The following GNB1 variants were observed in gnomAD, a reference collection of about 807,000 sequenced individuals.
The protein encoded by GNB1 is guanine nucleotide-binding protein G(I)/G(S)/G(T) subunit beta-1.
A neutral mutation model predicts 42.9 loss-of-function variants in GNB1; 2 were observed. The ratio of observed to expected loss-of-function variants is 0.05; its 90% CI spans 0.02 to 0.15. The LOEUF (loss-of-function observed/expected upper bound fraction) is 0.15, where lower values mean the gene tolerates loss of function less well. GNB1 is among the 10% of genes least tolerant of loss of function. GNB1 has a pLI of 1.00. For synonymous variants in GNB1, 183 were observed against 174.7 expected (o/e 1.05, Z -0.38); for missense variants, 193 against 462.2 (o/e 0.42, Z 5.34).
At chr1:1,820,682 A>G (rs1646920176) in intron 3 of GNB1, among the ~76,000 whole-genome samples, 1 of 152,206 alleles carries the variant, frequency 6.6e-6, no homozygotes, top group Admixed American at 6.5e-5. Flanking sequence ...AATGGAGAAA[A>G]TAAAACATGA....
intron 1 of GNB1, among the ~76,000 whole-genome samples, chr1:1,861,007 C>T (rs1389360431): frequency 2.0e-5 from 3 of 150,362 alleles, no homozygotes; most frequent in Admixed American, 6.7e-5. Context: ...ACTTGGGAGG[C>T]TGAGACAAGA....
intron 5 of GNB1, among the ~76,000 whole-genome samples, chr1:1,809,510 T>C (rs1646746938): frequency 6.6e-6 from 1 of 152,194 alleles, no homozygotes; most frequent in Admixed American, 6.5e-5. Flanking sequence ...ATATTAAACA[T>C]TTAAAATTAT....
At chr1:1,823,419 T>C (rs1646958789) in intron 3 of GNB1, among the ~76,000 whole-genome samples, 1 of 152,122 alleles carries the variant, frequency 6.6e-6, no homozygotes, top group Admixed American at 6.6e-5. Context: ...TGACTTAAAA[T>C]GAACAGCAGA....
intron 1 of GNB1, among the ~76,000 whole-genome samples, chr1:1,851,540 C>G (rs1224895701): frequency 2.0e-5 from 3 of 150,976 alleles, no homozygotes; most frequent in Non-Finnish European, 3.0e-5. Flanking sequence ...GGCGACACAG[C>G]AAGACTGTGT....
intron 1 of GNB1, among the ~76,000 whole-genome samples, chr1:1,857,405 G>A (rs1449902366): frequency 3.9e-5 from 6 of 152,068 alleles, no homozygotes; most frequent in African/African-American, 9.7e-5. Context: ...AGGGTTCAAC[G>A]CAGCCTAGGA....
chr1:1,808,393 G>A (rs1646731115), intron 5 of GNB1, among the ~76,000 whole-genome samples: 1 of 152,116 alleles, frequency 6.6e-6, no homozygotes, highest in Middle Eastern at 3.2e-3. Context: ...TACTACAAAG[G>A]AGAATATGAA....
chr1:1,865,455 G>T (rs188725790), intron 1 of GNB1, among the ~76,000 whole-genome samples: 1 of 151,700 alleles, frequency 6.6e-6, no homozygotes. Flanking sequence ...GTGTGGTGGC[G>T]GGCACCTGTA....
At chr1:1,833,354 C>T (rs1647102228) in intron 2 of GNB1, among the ~76,000 whole-genome samples, 1 of 152,138 alleles carries the variant, frequency 6.6e-6, no homozygotes, top group Non-Finnish European at 1.5e-5. Flanking sequence ...GGTCAATCTC[C>T]AAAACTAAGA....
chr1:1,827,793 C>A (rs998247775), intron 2 of GNB1, among the ~76,000 whole-genome samples: 3 of 152,124 alleles, frequency 2.0e-5, no homozygotes, highest in African/African-American at 4.8e-5. Context: ...GCACCCCGCA[C>A]GCATAATAGA....
intron 10 of GNB1, chr1:1,788,845 G>A (rs553018034): frequency 5.6e-6 from 3 of 537,280 alleles, no homozygotes; most frequent in African/African-American, 3.8e-5. Flanking sequence ...CCTCCCCGAC[G>A]CATGTGGGAA....
chr1:1,866,072 G>A (rs965790643), intron 1 of GNB1, among the ~76,000 whole-genome samples: 2 of 152,026 alleles, frequency 1.3e-5, no homozygotes, highest in African/African-American at 4.8e-5. Flanking sequence ...CCAAGTAGCT[G>A]GGATTACAGG....
chr1:1,822,454 C>T (rs547118911), intron 3 of GNB1, among the ~76,000 whole-genome samples: 1 of 151,914 alleles, frequency 6.6e-6, no homozygotes, highest in Non-Finnish European at 1.5e-5. Flanking sequence ...AGGCGCCCAC[C>T]ACCACCACAC....
rs981741012 is a variant in GNB1 at position 1,891,001 on chromosome 1, GCCCGCT to G, written c.-283_-278del. On this transcript the variant is annotated 5_prime_UTR_variant, in exon 1 of 12. Transcript: ENST00000378609. ...CTCCCGGCCCCGCTCCCCACTCGCCGCCCGCTCCCGCTCCCGCCGCCGCCGCCGCCG... is the reference window on the plus strand; with the variant it reads ...CTCCCGGCCCCGCTCCCCACTCGCCGCCCGCTCCCGCCGCCGCCGCCGCCG... 1.3e-4 allele frequency: 20 copies of G among 151,648 alleles called. No homozygotes were observed. Among genetic ancestry groups the G allele is most frequent in the Non-Finnish European group, 2.5e-4 (17 of 69,320 alleles). 9.4% of individuals were successfully genotyped at this position (151,648 alleles called of 1,614,324 possible). A position where few individuals can be genotyped will look rare whatever the true frequency, so the allele number is the denominator to read the frequency against.
At chr1:1,836,363 G>A (rs904265013) in intron 2 of GNB1, among the ~76,000 whole-genome samples, 1 of 145,514 alleles carries the variant, frequency 6.9e-6, no homozygotes, top group African/African-American at 2.5e-5. Context: ...CTTTTTTATT[G>A]GGTTACCTGT....
chr1:1,791,790 G>A (rs1008785091), intron 8 of GNB1, among the ~76,000 whole-genome samples: 33 of 152,156 alleles, frequency 2.2e-4, no homozygotes, highest in African/African-American at 7.2e-4. Flanking sequence ...AGCAAGATAC[G>A]TAAAAGAGTC....
rs80031566 is a variant in GNB1, at chr1:1,879,824, G to A, written c.-96+10996C>T. ...AATGGGAGCAATGGATCTTCACATC[G>A]TGTCTGCTCTCAGCCTGATGCAATA... On this transcript the variant is annotated intron_variant, in intron 1 of 11. Transcript: ENST00000378609. Among the ~76,000 whole-genome samples, 10 of 152,060 alleles carry A rather than the reference G, an allele frequency of 6.6e-5. No homozygotes were observed. In the East Asian group the frequency reaches 1.2e-3, roughly 18 times the overall value.
At chr1:1,796,828 C>T (rs1310958642) in intron 7 of GNB1, among the ~76,000 whole-genome samples, 1 of 152,168 alleles carries the variant, frequency 6.6e-6, no homozygotes, top group African/African-American at 2.4e-5. Flanking sequence ...AAGGGCTGTC[C>T]TGTGTCTCAT....
chr1:1,804,142 A>C (rs1646664201), intron 7 of GNB1, among the ~76,000 whole-genome samples: 1 of 140,908 alleles, frequency 7.1e-6, no homozygotes. Context: ...AAATACAAAA[A>C]AGAAATTAGC....
At chr1:1,803,979 C>CT (rs1160452817) in intron 7 of GNB1, among the ~76,000 whole-genome samples, 1 of 57,552 alleles carries the variant, frequency 1.7e-5, no homozygotes, top group Admixed American at 3.1e-4. Flanking sequence ...GAGACTCTGT[C>CT]TTTAAAAAAA....
Sources: gnomAD v4.1 joint callset for allele counts (sites outside exome capture counted in the v4.1 genomes callset) on GRCh38, gnomAD v4.1.1 for gene constraint, MANE v1.5 for transcripts, NCBI Gene and HGNC (gene_info 2026-07-23, HGNC 2026-07-21) for gene names.